POLR1B: variants seen among roughly 807,000 people sequenced by gnomAD.
The protein encoded by POLR1B is RNA polymerase I subunit B.
Under a neutral mutation model 105.8 loss-of-function variants are expected in POLR1B, and 30 were observed. That is an observed-to-expected ratio of 0.28 (90% CI 0.21 to 0.38). The LOEUF is 0.38. Among genes scored for constraint, POLR1B ranks in the 10% least tolerant of loss-of-function variants. The probability of loss-of-function intolerance (pLI) is 1.00; values close to 1 mark genes in which losing one functional copy is unlikely to be tolerated. For synonymous variants in POLR1B, 485 were observed against 505.1 expected, an observed-to-expected ratio of 0.96 and a Z score of 0.53; for missense variants, 976 against 1,435.8, an observed-to-expected ratio of 0.68 and a Z score of 5.17.
chr2:112,564,777 C>CA (rs1341899100), intron 10 of POLR1B, among the ~76,000 whole-genome samples: 17 of 152,192 alleles, frequency 1.1e-4, no homozygotes, highest in African/African-American at 3.6e-4. Context: ...CTTTTTTCCC[C>CA]CTTCTTAATA....
chr2:112,570,417 T>C (rs1684530557), intron 12 of POLR1B, among the ~76,000 whole-genome samples: 1 of 152,238 alleles, frequency 6.6e-6, no homozygotes, highest in Admixed American at 6.5e-5. Context: ...GAATTTTTGC[T>C]TACAGTCATG....
In POLR1B at chr2:112,577,091, CTG is replaced by C. The variant is rs1015267111; in HGVS notation, c.*1364_*1365del. Reference sequence around the variant, plus strand: ...GTGACTTATCTTTGGCCATTATAAACTGTTGATAATAGATCATCTTGTATATA... The same window carrying C: ...GTGACTTATCTTTGGCCATTATAAACTTGATAATAGATCATCTTGTATATA... On this transcript the variant is annotated 3_prime_UTR_variant, in exon 15 of 15. Transcript: ENST00000263331. The C allele has an allele frequency of 5.3e-5, 8 of 152,316 alleles. No homozygotes were observed. The highest frequency in any genetic ancestry group is 1.2e-4 in the African/African-American group (5 of 41,576). 9.4% of individuals were successfully genotyped at this position (152,316 alleles called of 1,614,324 possible). A position where few individuals can be genotyped will look rare whatever the true frequency, so the allele number is the denominator to read the frequency against.
chr2:112,552,083 G>A lies in POLR1B; in HGVS notation c.986+85G>A. 8 of 1,085,442 alleles carry A rather than the reference G, an allele frequency of 7.4e-6. No homozygotes were observed. In the South Asian group the frequency reaches 7.7e-5, roughly 10 times the overall value. 67.2% of individuals were successfully genotyped at this position (1,085,442 alleles called of 1,614,324 possible). A position where few individuals can be genotyped will look rare whatever the true frequency, so the allele number is the denominator to read the frequency against. ...TATTGGTTGCAGTTTGGGCGGGCGA[G>A]TCATTTGGGAATGAGAATGAATCTT... On this transcript the variant is annotated intron_variant, in intron 6 of 14. Transcript: ENST00000263331.
Position 112,575,876 on chromosome 2 carries a change from A to G in POLR1B, c.*147A>G, listed in dbSNP as rs1158234051. On this transcript the variant is annotated 3_prime_UTR_variant, in exon 15 of 15. Transcript: ENST00000263331. The surrounding 1 kb of genome is among the most constrained non-coding windows in gnomAD (Gnocchi z 5.3). Reference sequence around the variant, plus strand: ...CCAAGACCTGAAAACCAAGTATGCAAGGTTTCTGAATCTCTCTGGTAGATT... The same window carrying G: ...CCAAGACCTGAAAACCAAGTATGCAGGGTTTCTGAATCTCTCTGGTAGATT... The G allele has an allele frequency of 2.6e-6, 2 of 765,582 alleles. No individual in the cohort carries two copies. The highest frequency in any genetic ancestry group is 1.8e-5 in the African/African-American group (1 of 57,068). The allele number at this position is 765,582 out of a possible 1,614,324, so 47.4% of individuals were successfully genotyped here.
intron 7 of POLR1B, chr2:112,553,561 G>A (rs1683487165): frequency 6.6e-6 from 1 of 152,006 alleles, no homozygotes; most frequent in African/African-American, 2.4e-5. Flanking sequence ...TGATCCTCCT[G>A]TTTCAGCCTC....
intron 1 of POLR1B, among the ~76,000 whole-genome samples, chr2:112,543,434 G>C (rs1375858284): frequency 6.6e-6 from 1 of 152,190 alleles, no homozygotes; most frequent in Non-Finnish European, 1.5e-5. Flanking sequence ...CCAAGGGATT[G>C]TGTGGGCTAC....
chr2:112,572,556 A>G lies in POLR1B; in HGVS notation c.2075-6A>G. The G allele has an allele frequency of 6.4e-7, 1 of 1,556,954 alleles. No individual in the cohort carries two copies. Among genetic ancestry groups the G allele is most frequent in the Non-Finnish European group, 8.7e-7 (1 of 1,149,238 alleles). ...GAAAATGCTAAGATGTTTTTTCTCC[A>G]TGTAGGTAAGCAAACTATGGGCTTT... On this transcript the variant is annotated splice_region_variant and splice_polypyrimidine_tract_variant and intron_variant, in intron 12 of 14. Transcript: ENST00000263331.
chr2:112,561,832 G>A (rs1317491019), intron 9 of POLR1B, among the ~76,000 whole-genome samples: 1 of 152,060 alleles, frequency 6.6e-6, no homozygotes, highest in Non-Finnish European at 1.5e-5. Flanking sequence ...TTTTCTGTTT[G>A]TTTGTTTGTT....
chr2:112,547,125 T>C lies in POLR1B; in HGVS notation c.291T>C (p.Asn97=), dbSNP rs1313649483. 9.3e-6 allele frequency: 15 copies of C among 1,614,072 alleles called. No homozygotes were observed. In the Admixed American group the frequency reaches 2.2e-4, roughly 23 times the overall value. ...AAGGGACCATCTGCAAAGAGGCCAATGTTTATCCAGCAGAATGCCGGGGCC... is the reference window on the plus strand; with the variant it reads ...AAGGGACCATCTGCAAAGAGGCCAACGTTTATCCAGCAGAATGCCGGGGCC... The part of the protein sequence containing the change: ...VPKGTICKEA[N]VYPAECRGRR... The change falls in exon 2 of 15, where the codon AAT becomes AAC. Residue 97 remains asparagine, a synonymous_variant. Transcript: ENST00000263331.
chr2:112,542,120 C>T, upstream of POLR1B: 3 of 1,535,698 alleles, frequency 2.0e-6, no homozygotes, highest in South Asian at 1.2e-5. Flanking sequence ...CCTGAGAAGA[C>T]CGCTCTCCTC....
chr2:112,542,663 G>A lies in POLR1B; in HGVS notation c.169G>A (p.Ala57Thr), dbSNP rs748454962. The A allele has an allele frequency of 6.2e-7, 1 of 1,613,306 alleles. No individual in the cohort carries two copies. Among genetic ancestry groups the A allele is most frequent in the East Asian group, 2.2e-5 (1 of 44,878 alleles). The part of the protein sequence containing the change: ...NYAVHEGLGL[A>T]VQAIPPFEFA... ...CGCTGTGCACGAGGGTCTCGGCCTC[G>A]CGGTGCAGGTGAGCGCGGCGTCCGC... The change falls in exon 1 of 15, where the codon GCG (alanine) becomes ACG (threonine). Residue 57 changes from alanine to threonine, a missense_variant. By Grantham distance (58) the Ala-to-Thr change is moderately conservative. Transcript: ENST00000263331.
Position 112,549,266 on chromosome 2 carries a change from G to A in POLR1B, c.493-1G>A. ...CAAGTTGCAATTCATCTTTTTGGCA[G>A]GAAATGGGGGGCTATTTTATAATCA... On this transcript the variant is annotated splice_acceptor_variant, in intron 3 of 14. Coordinates refer to ENST00000263331, the MANE Select transcript of POLR1B (RefSeq NM_019014.6). LOFTEE classifies it high-confidence loss of function. 1 of 1,611,634 alleles carries A rather than the reference G, an allele frequency of 6.2e-7. No individual in the cohort carries two copies. Among genetic ancestry groups the A allele is most frequent in the Non-Finnish European group, 8.5e-7 (1 of 1,179,270 alleles).
At chr2:112,562,684 T>C (rs1574118487) in intron 9 of POLR1B, among the ~76,000 whole-genome samples, 1 of 151,634 alleles carries the variant, frequency 6.6e-6, no homozygotes, top group Admixed American at 6.6e-5. Context: ...ATCTGGGCGG[T>C]GGTTGCTGAA....
chr2:112,572,789 C>A, intron 13 of POLR1B, 31 bp downstream of exon 13: 1 of 1,503,434 alleles, frequency 6.7e-7, no homozygotes, highest in Admixed American at 2.1e-5. Context: ...TTGTTCCAAT[C>A]TTTTTATTTT....
rs188833739 is a variant in POLR1B, at chr2:112,568,275, T to A, written c.1917+138T>A. On this transcript the variant is annotated intron_variant, in intron 11 of 14. Coordinates refer to ENST00000263331, the MANE Select transcript of POLR1B (RefSeq NM_019014.6). ...GGACATTTGAAAGAAAGTCAGACTT[T>A]CCACCTCCTCTATGATCAGCACAGA... 909 of 844,610 alleles carry A rather than the reference T, an allele frequency of 1.1e-3. 2 individuals are homozygous for A. The highest frequency in any genetic ancestry group is 2.1e-3 in the Admixed American group (80 of 37,584). The allele number at this position is 844,610 out of a possible 1,614,324, so 52.3% of individuals were successfully genotyped here. A position where few individuals can be genotyped will look rare whatever the true frequency, so the allele number is the denominator to read the frequency against.
intron 10 of POLR1B, among the ~76,000 whole-genome samples, chr2:112,565,483 G>A (rs573713493): frequency 6.6e-5 from 10 of 152,146 alleles, no homozygotes; most frequent in Non-Finnish European, 1.5e-4. Flanking sequence ...AATCAGAGAA[G>A]GTCATGTGGG....
At chr2:112,542,158 G>A, upstream of POLR1B, 3 of 1,535,762 alleles carry the variant, frequency 2.0e-6, no homozygotes, top group Non-Finnish European at 2.6e-6. Context: ...GCCAATGAGA[G>A]CCAAAGAGGT....
chr2:112,543,425 C>CA, intron 1 of POLR1B, among the ~76,000 whole-genome samples: 1 of 152,192 alleles, frequency 6.6e-6, no homozygotes, highest in African/African-American at 2.4e-5. Flanking sequence ...ACTGCTCTGC[C>CA]AAGGGATTGT....
At chr2:112,542,223 G>T (rs1233985585), upstream of POLR1B, 9 of 1,535,574 alleles carry the variant, frequency 5.9e-6, no homozygotes, top group Admixed American at 2.0e-5. Flanking sequence ...TTTCGCGAGC[G>T]GGGAGATGAG....
Sources: allele counts gnomAD v4.1 joint callset (sites outside exome capture counted in the v4.1 genomes callset), GRCh38; gene constraint gnomAD v4.1.1; non-coding constraint Gnocchi (gnomAD v3.1); transcripts MANE v1.5; gene names NCBI Gene and HGNC (gene_info 2026-07-23, HGNC 2026-07-21).